CACNA1C: variants seen among roughly 807,000 people sequenced by gnomAD.
CACNA1C encodes the protein calcium voltage-gated channel subunit alpha1 C, also known as voltage-dependent L-type calcium channel subunit alpha-1C.
A neutral mutation model predicts 229.0 loss-of-function variants in CACNA1C; 30 were observed. The ratio of observed to expected loss-of-function variants is 0.13; its 90% CI spans 0.10 to 0.18. The LOEUF is 0.18. Among genes scored for constraint, CACNA1C ranks in the 10% least tolerant of loss-of-function variants. CACNA1C has a pLI of 1.00. For missense variants in CACNA1C, 1,658 were observed against 2,845.0 expected (o/e 0.58, Z 9.49); for synonymous variants, 1,114 against 1,132.5 (o/e 0.98, Z 0.33).
At chr12:2,318,072 T>A (rs1281317997) in intron 3 of CACNA1C, among the ~76,000 whole-genome samples, 1 of 152,060 alleles carries the variant, frequency 6.6e-6, no homozygotes, top group Non-Finnish European at 1.5e-5. Context: ...GGGTGGTGGG[T>A]AGGAGTGGTG....
chr12:2,010,718 T>G (rs1170221720), intron 1 of CACNA1C: 1 of 152,210 alleles, frequency 6.6e-6, no homozygotes, highest in Non-Finnish European at 1.5e-5. Context: ...CACCCTAAGA[T>G]ATGAGGAAGC....
intron 5 of CACNA1C, among the ~76,000 whole-genome samples, chr12:2,480,922 G>C (rs1265116447): frequency 6.6e-6 from 1 of 152,126 alleles, no homozygotes; most frequent in Non-Finnish European, 1.5e-5. Flanking sequence ...CCAATTCTAG[G>C]GTCTTCAACA....
At chr12:2,281,680 T>C (rs905735656) in intron 3 of CACNA1C, among the ~76,000 whole-genome samples, 1 of 152,206 alleles carries the variant, frequency 6.6e-6, no homozygotes, top group Non-Finnish European at 1.5e-5. Context: ...CCTAAATGTG[T>C]CTTTATGCCC....
At chr12:2,569,462 C>T (rs984248023) in intron 13 of CACNA1C, among the ~76,000 whole-genome samples, 11 of 152,182 alleles carry the variant, frequency 7.2e-5, no homozygotes, top group African/African-American at 2.7e-4. Context: ...CACATTTCCC[C>T]CATCTTCCCT....
chr12:2,114,779 C>T (rs969105897), intron 1 of CACNA1C, among the ~76,000 whole-genome samples: 2 of 152,204 alleles, frequency 1.3e-5, no homozygotes, highest in Non-Finnish European at 2.9e-5. Flanking sequence ...TTTATGCTTC[C>T]TCCTTGCCCC....
In CACNA1C at chr12:2,582,699, A is replaced by T. The variant is rs539416342; in HGVS notation, c.2104-123A>T. The T allele has an allele frequency of 5.1e-6, 5 of 981,920 alleles. No homozygotes were observed. The Admixed American group carries it at 8.9e-5, about 17-fold the overall frequency. The allele number at this position is 981,920 out of a possible 1,614,324, so 60.8% of individuals were successfully genotyped here. A position where few individuals can be genotyped will look rare whatever the true frequency, so the allele number is the denominator to read the frequency against. ...GGGAGGAGAATTGGGGGCCAGGAGG[A>T]GGGAAAGAAGTGAAAGGGAAATTTT... On this transcript the variant is annotated intron_variant, in intron 14 of 46. Coordinates refer to ENST00000399655, the MANE Select transcript of CACNA1C (RefSeq NM_000719.7).
At chr12:2,607,227 C>G (rs1055244243) in intron 26 of CACNA1C, 97 bp downstream of exon 26, 1 of 1,281,748 alleles carries the variant, frequency 7.8e-7, no homozygotes, top group South Asian at 1.5e-5. Flanking sequence ...CCCGCACTCC[C>G]TCTGGAGGTC....
chr12:2,667,386 A>G (rs2153721256), intron 37 of CACNA1C, among the ~76,000 whole-genome samples: 1 of 131,326 alleles, frequency 7.6e-6, no homozygotes, highest in Admixed American at 7.7e-5. Context: ...AGAGGGCTGG[A>G]GAGAGGAGGA....
chr12:2,118,231 A>G (rs2084874889), intron 2 of CACNA1C, among the ~76,000 whole-genome samples: 1 of 152,218 alleles, frequency 6.6e-6, no homozygotes, highest in Non-Finnish European at 1.5e-5. Context: ...GGTGGAGGCA[A>G]TGAAGTGACA....
At chr12:2,435,099 G>A (rs977786112) in intron 3 of CACNA1C, among the ~76,000 whole-genome samples, 1 of 152,084 alleles carries the variant, frequency 6.6e-6, no homozygotes, top group Non-Finnish European at 1.5e-5. Flanking sequence ...TTCCCCCACC[G>A]TGCAGACACT....
chr12:2,454,685 T>C (rs956179814), intron 4 of CACNA1C, among the ~76,000 whole-genome samples: 1 of 152,134 alleles, frequency 6.6e-6, no homozygotes, highest in East Asian at 1.9e-4. Flanking sequence ...ACCTCCAACC[T>C]CAAGGAGGCC....
chr12:2,593,434 A>T, intron 19 of CACNA1C, 89 bp downstream of exon 19: 1 of 1,370,606 alleles, frequency 7.3e-7, no homozygotes, highest in Non-Finnish European at 1.0e-6. Context: ...CTCTGGATGG[A>T]GACTGAGACT....
At chr12:2,536,021 A>G (rs1219402494) in intron 9 of CACNA1C, among the ~76,000 whole-genome samples, 1 of 152,244 alleles carries the variant, frequency 6.6e-6, no homozygotes, top group Non-Finnish European at 1.5e-5. Context: ...TAAGGCAGCA[A>G]TTTACTTGCC....
intron 3 of CACNA1C, among the ~76,000 whole-genome samples, chr12:2,420,103 GT>G (rs2098961609): frequency 3.9e-5 from 1 of 25,342 alleles, no homozygotes; most frequent in Non-Finnish European, 7.0e-5. Flanking sequence ...AGGCAAAATG[GT>G]GTGTGTGTGT....
intron 3 of CACNA1C, among the ~76,000 whole-genome samples, chr12:2,355,993 C>T (rs1259729542): frequency 6.6e-6 from 1 of 152,182 alleles, no homozygotes; most frequent in East Asian, 1.9e-4. Flanking sequence ...CCCGCAACCC[C>T]CAGGAACCAG....
chr12:2,644,470 A>G (rs1017623787), intron 30 of CACNA1C, among the ~76,000 whole-genome samples: 1 of 152,220 alleles, frequency 6.6e-6, no homozygotes, highest in Non-Finnish European at 1.5e-5. Context: ...CTTTAAAAAA[A>G]TAATAATTTT....
rs959871903 is a variant in CACNA1C, at chr12:2,659,487, A to G, written c.4232+4249A>G. Among the ~76,000 whole-genome samples the G allele has an allele frequency of 2.0e-5, 3 of 152,204 alleles. No individual in the cohort carries two copies. In the South Asian group the frequency reaches 6.2e-4, roughly 31 times the overall value. ...GTTTGCACAACAGAATTGCCTAACC[A>G]TGCATCTCCCCACTGTTAAGTGACA... On this transcript the variant is annotated intron_variant, in intron 34 of 46. Coordinates refer to ENST00000399655, the MANE Select transcript of CACNA1C (RefSeq NM_000719.7).
chr12:2,424,921 C>T (rs1446430063), intron 3 of CACNA1C, among the ~76,000 whole-genome samples: 2 of 152,182 alleles, frequency 1.3e-5, no homozygotes, highest in Non-Finnish European at 2.9e-5. Flanking sequence ...CCTCTATTGG[C>T]CAACAGTAGC....
At chr12:2,640,721 C>T (rs1365122715) in intron 30 of CACNA1C, among the ~76,000 whole-genome samples, 1 of 151,870 alleles carries the variant, frequency 6.6e-6, no homozygotes, top group East Asian at 1.9e-4. Context: ...AGCCTTTCTA[C>T]CTTAGTATCT....
Sources: allele counts gnomAD v4.1 joint callset (sites outside exome capture counted in the v4.1 genomes callset), GRCh38; gene constraint gnomAD v4.1.1; transcripts MANE v1.5; gene names NCBI Gene and HGNC (gene_info 2026-07-23, HGNC 2026-07-21).